The following AFG1L variants were observed in gnomAD, a reference collection of about 807,000 sequenced individuals.
AFG1L encodes the protein AFG1 like ATPase, also known as AFG1-like ATPase.
AFG1L carries 53 observed loss-of-function variants against 62.2 expected under a neutral mutation model. That is an observed-to-expected ratio of 0.85 (90% CI 0.68 to 1.07). The LOEUF (loss-of-function observed/expected upper bound fraction) is 1.07. AFG1L is among the 50% of genes least tolerant of loss of function. AFG1L has a pLI of 0.00. For synonymous variants in AFG1L, 228 were observed against 210.3 expected, an observed-to-expected ratio of 1.08 and a Z score of -0.73; for missense variants, 555 against 590.5, an observed-to-expected ratio of 0.94 and a Z score of 0.62.
In AFG1L at chr6:108,324,035, G is replaced by A; in HGVS notation, c.350G>A (p.Gly117Asp). The change falls in exon 2 of 13, where the codon GGC (glycine) becomes GAC (aspartate). Residue 117 changes from glycine (G) to aspartate (D), a missense_variant. Coordinates refer to ENST00000368977, the MANE Select transcript of AFG1L (RefSeq NM_145315.5). ...DLKGYNIEAE[G>D]LFSKLFSRSK... is the part of the protein sequence containing the mutation. Reference sequence around the variant, plus strand: ...AAAGGATACAATATAGAGGCAGAAGGCCTTTTTTCAAAGGTGAGGCTTGTG... The same window carrying A: ...AAAGGATACAATATAGAGGCAGAAGACCTTTTTTCAAAGGTGAGGCTTGTG... 1 of 1,609,660 alleles carries A rather than the reference G, an allele frequency of 6.2e-7. No individual in the cohort carries two copies. Among genetic ancestry groups the A allele is most frequent in the Non-Finnish European group, 8.5e-7 (1 of 1,176,628 alleles).
intron 10 of AFG1L, among the ~76,000 whole-genome samples, chr6:108,498,565 T>TA (rs1774056768): frequency 6.6e-6 from 1 of 152,238 alleles, no homozygotes; most frequent in African/African-American, 2.4e-5. Flanking sequence ...CTTTATGTGA[T>TA]ACACAGGGTT....
At chr6:108,419,601 T>A (rs2114684221) in intron 7 of AFG1L, among the ~76,000 whole-genome samples, 1 of 152,320 alleles carries the variant, frequency 6.6e-6, no homozygotes, top group African/African-American at 2.4e-5. Context: ...AAAGAAGTGA[T>A]ACTTTATAAT....
intron 1 of AFG1L, among the ~76,000 whole-genome samples, chr6:108,320,709 T>G (rs1025135944): frequency 1.3e-5 from 2 of 152,108 alleles, no homozygotes; most frequent in African/African-American, 2.4e-5. Flanking sequence ...AATTCCAGGT[T>G]TTTCTTTATT....
intron 11 of AFG1L, among the ~76,000 whole-genome samples, chr6:108,513,056 G>A (rs1774720477): frequency 6.6e-6 from 1 of 152,172 alleles, no homozygotes; most frequent in Admixed American, 6.5e-5. Flanking sequence ...TTTAAATAAT[G>A]ATTTTTAAAG....
chr6:108,419,614 G>T (rs1411634844), intron 7 of AFG1L, among the ~76,000 whole-genome samples: 1 of 152,098 alleles, frequency 6.6e-6, no homozygotes, highest in Non-Finnish European at 1.5e-5. Flanking sequence ...TTTATAATGT[G>T]AGGTAGTAAC....
At chr6:108,500,171 C>CATGTGTGT (rs1554204022) in intron 10 of AFG1L, among the ~76,000 whole-genome samples, 15 of 135,140 alleles carry the variant, frequency 1.1e-4, no homozygotes, top group African/African-American at 3.7e-4. Flanking sequence ...ATGGTGCGTG[C>CATGTGTGT]GTGTGTGTGT....
At chr6:108,509,915 A>G (rs1228395873) in intron 10 of AFG1L, among the ~76,000 whole-genome samples, 2 of 152,216 alleles carry the variant, frequency 1.3e-5, no homozygotes, top group Admixed American at 1.3e-4. Flanking sequence ...TGTAAACCGG[A>G]AAGTATATGT....
intron 1 of AFG1L, among the ~76,000 whole-genome samples, chr6:108,299,154 G>A (rs957577320): frequency 3.9e-5 from 6 of 151,996 alleles, no homozygotes; most frequent in Non-Finnish European, 7.4e-5. Flanking sequence ...CCAGCTACTT[G>A]GGAGGCTGAG....
At chr6:108,348,796 C>T (rs1031458408) in intron 3 of AFG1L, among the ~76,000 whole-genome samples, 2 of 152,196 alleles carry the variant, frequency 1.3e-5, no homozygotes, top group African/African-American at 4.8e-5. Flanking sequence ...CCTTCACTTT[C>T]ATATTAAGTC....
intron 6 of AFG1L, among the ~76,000 whole-genome samples, chr6:108,378,433 C>T (rs1052337171): frequency 6.6e-6 from 1 of 152,146 alleles, no homozygotes; most frequent in Non-Finnish European, 1.5e-5. Context: ...GATTCTCTGC[C>T]TCAGCTTCCT....
At chr6:108,327,597 AG>A (rs1778100943) in intron 2 of AFG1L, among the ~76,000 whole-genome samples, 1 of 152,198 alleles carries the variant, frequency 6.6e-6, no homozygotes, top group Admixed American at 6.5e-5. Flanking sequence ...CCAACTGAGG[AG>A]GGCCCCACTC....
At chr6:108,425,058 C>T (rs1406142830) in intron 7 of AFG1L, among the ~76,000 whole-genome samples, 6 of 151,986 alleles carry the variant, frequency 3.9e-5, no homozygotes, top group South Asian at 2.1e-4. Context: ...AGTTACCTGA[C>T]GTAGAACTGA....
chr6:108,379,345 G>A (rs1226653960), intron 6 of AFG1L, among the ~76,000 whole-genome samples: 1 of 152,142 alleles, frequency 6.6e-6, no homozygotes, highest in East Asian at 1.9e-4. Context: ...TTTATATTGG[G>A]CTGTGGAGTT....
intron 1 of AFG1L, among the ~76,000 whole-genome samples, chr6:108,300,075 G>A (rs997696751): frequency 3.9e-4 from 59 of 151,440 alleles, no homozygotes; most frequent in African/African-American, 1.4e-3. Context: ...ATTTTTAGGT[G>A]CCTCTATTAA....
chr6:108,460,424 A>C (rs1180515427), intron 8 of AFG1L, among the ~76,000 whole-genome samples: 1 of 152,174 alleles, frequency 6.6e-6, no homozygotes, highest in Non-Finnish European at 1.5e-5. Context: ...GTCTTTTTTT[A>C]TCCAGTGTGA....
At chr6:108,376,305 A>G (rs1017387391) in intron 6 of AFG1L, among the ~76,000 whole-genome samples, 3 of 151,678 alleles carry the variant, frequency 2.0e-5, no homozygotes, top group Non-Finnish European at 4.4e-5. Context: ...TTGAGTCTCA[A>G]TTTTGTTCAG....
chr6:108,464,157 G>A (rs1772577994), intron 8 of AFG1L, among the ~76,000 whole-genome samples: 1 of 152,210 alleles, frequency 6.6e-6, no homozygotes, highest in Admixed American at 6.5e-5. Context: ...GAAGCAAAGT[G>A]TGGGTAGCAT....
At chr6:108,322,064 A>T (rs1056061760) in intron 1 of AFG1L, among the ~76,000 whole-genome samples, 10 of 151,866 alleles carry the variant, frequency 6.6e-5, no homozygotes, top group South Asian at 2.1e-4. Context: ...TTAAAAACAA[A>T]TTTTTTTTAA....
intron 6 of AFG1L, among the ~76,000 whole-genome samples, chr6:108,394,820 G>A (rs1251544456): frequency 2.6e-5 from 4 of 152,188 alleles, no homozygotes; most frequent in African/African-American, 7.2e-5. Context: ...TAAACATCGA[G>A]TATGATTTAA....
Sources: allele counts gnomAD v4.1 joint callset (sites outside exome capture counted in the v4.1 genomes callset), GRCh38; gene constraint gnomAD v4.1.1; transcripts MANE v1.5; gene names NCBI Gene and HGNC (gene_info 2026-07-23, HGNC 2026-07-21).